MACROD2: variants seen among roughly 807,000 people sequenced by gnomAD.
MACROD2 encodes mono-ADP ribosylhydrolase 2.
MACROD2 carries 36 observed loss-of-function variants against 70.4 expected under a neutral mutation model. That is an observed-to-expected ratio of 0.51 (90% CI 0.39 to 0.68). The LOEUF is 0.68. MACROD2 is among the 30% of genes least tolerant of loss of function. The probability of loss-of-function intolerance (pLI) is 0.00; values close to 1 mark genes in which losing one functional copy is unlikely to be tolerated. For synonymous variants in MACROD2, 172 were observed against 178.8 expected (o/e 0.96, Z 0.30); for missense variants, 496 against 538.4 (o/e 0.92, Z 0.78).
chr20:15,173,058 G>A (rs376831548), intron 5 of MACROD2, among the ~76,000 whole-genome samples: 28 of 152,146 alleles, frequency 1.8e-4, no homozygotes, highest in Middle Eastern at 3.4e-3. Context: ...GCCTGTGTGC[G>A]TGTGTGTTTG....
intron 13 of MACROD2, among the ~76,000 whole-genome samples, chr20:15,971,631 G>A (rs956938853): frequency 1.3e-5 from 2 of 152,102 alleles, no homozygotes; most frequent in African/African-American, 4.8e-5. Context: ...CCTCCTCTAT[G>A]ATATCACCCA....
intron 7 of MACROD2, among the ~76,000 whole-genome samples, chr20:15,447,613 T>C (rs1228208481): frequency 6.6e-6 from 1 of 152,178 alleles, no homozygotes; most frequent in Non-Finnish European, 1.5e-5. Context: ...CCCAGCTTTC[T>C]TTCCAGGAGT....
At chr20:14,025,552 C>T (rs1207810821) in intron 2 of MACROD2, among the ~76,000 whole-genome samples, 2 of 152,154 alleles carry the variant, frequency 1.3e-5, no homozygotes, top group African/African-American at 4.8e-5. Context: ...TGTCTTTGTT[C>T]TCATTGGTTT....
intron 5 of MACROD2, among the ~76,000 whole-genome samples, chr20:15,061,111 G>A (rs576390032): frequency 2.0e-5 from 3 of 152,260 alleles, no homozygotes; most frequent in South Asian, 4.1e-4. Context: ...AGGCCCTAAT[G>A]CTTGTGATAG....
At chr20:14,466,207 A>G (rs1048871509) in intron 3 of MACROD2, among the ~76,000 whole-genome samples, 21 of 152,032 alleles carry the variant, frequency 1.4e-4, no homozygotes, top group Non-Finnish European at 2.5e-4. Flanking sequence ...ACATAGTCCC[A>G]TATTCCTTGG....
intron 5 of MACROD2, among the ~76,000 whole-genome samples, chr20:15,125,718 C>A (rs1425855257): frequency 6.6e-6 from 1 of 151,948 alleles, no homozygotes; most frequent in Non-Finnish European, 1.5e-5. Context: ...TAGTAATACT[C>A]ACCATTTTAA....
intron 8 of MACROD2, among the ~76,000 whole-genome samples, chr20:15,790,825 A>G (rs2063618280): frequency 1.3e-5 from 2 of 151,858 alleles, no homozygotes; most frequent in Non-Finnish European, 3.0e-5. Flanking sequence ...TAATATAGAA[A>G]AGTACCAGGA....
chr20:14,295,568 G>C (rs188837475), intron 3 of MACROD2, among the ~76,000 whole-genome samples: 1 of 151,882 alleles, frequency 6.6e-6, no homozygotes, highest in African/African-American at 2.4e-5. Context: ...GACTGTGTGG[G>C]GGGGCTGGGG....
intron 2 of MACROD2, among the ~76,000 whole-genome samples, chr20:14,043,899 T>C (rs1012745241): frequency 2.0e-5 from 3 of 152,192 alleles, no homozygotes; most frequent in East Asian, 1.9e-4. Flanking sequence ...CCAGGATCCA[T>C]GGGCGAAAAC....
chr20:15,494,796 A>G (rs2047276494), intron 7 of MACROD2, among the ~76,000 whole-genome samples: 1 of 151,884 alleles, frequency 6.6e-6, no homozygotes, highest in Non-Finnish European at 1.5e-5. Flanking sequence ...TGTGCAGTAT[A>G]TAAAATATTT....
intron 3 of MACROD2, among the ~76,000 whole-genome samples, chr20:14,140,796 G>A (rs766639963): frequency 1.3e-5 from 2 of 152,034 alleles, no homozygotes; most frequent in East Asian, 1.9e-4. Context: ...CTTTATTTTC[G>A]AAATGATTAT....
At chr20:15,908,749 C>T (rs1286819748) in intron 10 of MACROD2, among the ~76,000 whole-genome samples, 5 of 152,274 alleles carry the variant, frequency 3.3e-5, no homozygotes, top group Non-Finnish European at 7.4e-5. Flanking sequence ...TTATTTCTTC[C>T]CTTCCTGTTG....
At chr20:15,770,682 A>C (rs1264709621) in intron 8 of MACROD2, among the ~76,000 whole-genome samples, 1 of 152,056 alleles carries the variant, frequency 6.6e-6, no homozygotes, top group African/African-American at 2.4e-5. Context: ...TTGTTTTTTT[A>C]ATTCACGTGT....
At chr20:14,879,763 C>A (rs572881054) in intron 5 of MACROD2, among the ~76,000 whole-genome samples, 1 of 152,154 alleles carries the variant, frequency 6.6e-6, no homozygotes, top group Admixed American at 6.5e-5. Flanking sequence ...TTTTTTAAAG[C>A]AAATTAGTGC....
intron 5 of MACROD2, among the ~76,000 whole-genome samples, chr20:14,954,273 T>C (rs1247353888): frequency 6.6e-6 from 1 of 151,646 alleles, no homozygotes; most frequent in African/African-American, 2.4e-5. Flanking sequence ...AATCTGGCCA[T>C]CTTTGGTTAT....
chr20:15,426,045 A>AG (rs1170115418), intron 6 of MACROD2, among the ~76,000 whole-genome samples: 1 of 152,216 alleles, frequency 6.6e-6, no homozygotes, highest in Non-Finnish European at 1.5e-5. Context: ...TACAGCCTTA[A>AG]GGATTTCAGT....
At chr20:15,882,687 A>T (rs1299284700) in intron 9 of MACROD2, among the ~76,000 whole-genome samples, 1 of 152,016 alleles carries the variant, frequency 6.6e-6, no homozygotes, top group South Asian at 2.1e-4. Context: ...TTGCATAGTT[A>T]TATGTGGTTT....
intron 4 of MACROD2, among the ~76,000 whole-genome samples, chr20:14,660,320 C>G (rs986647068): frequency 6.6e-6 from 1 of 152,144 alleles, no homozygotes; most frequent in African/African-American, 2.4e-5. Context: ...GGCTTATAGT[C>G]AAACTATAAG....
intron 4 of MACROD2, among the ~76,000 whole-genome samples, chr20:14,593,415 A>G (rs1355802608): frequency 6.6e-6 from 1 of 152,204 alleles, no homozygotes; most frequent in African/African-American, 2.4e-5. Flanking sequence ...AATGAGGAAT[A>G]TAATTAGCAT....
Sources: gnomAD v4.1 joint callset for allele counts (sites outside exome capture counted in the v4.1 genomes callset) on GRCh38, gnomAD v4.1.1 for gene constraint, MANE v1.5 for transcripts, NCBI Gene and HGNC (gene_info 2026-07-23, HGNC 2026-07-21) for gene names.